The following MGAT4C variants were observed in gnomAD, a reference collection of about 807,000 sequenced individuals.
MGAT4C encodes the protein MGAT4 family member C, also known as alpha-1,3-mannosyl-glycoprotein 4-beta-N-acetylglucosaminyltransferase C.
Under a neutral mutation model 40.1 loss-of-function variants are expected in MGAT4C, and 19 were observed. The observed-to-expected ratio is 0.47, with a 90% CI of 0.33 to 0.70. The LOEUF is 0.70. Among genes scored for constraint, MGAT4C ranks in the 30% least tolerant of loss-of-function variants. The probability of loss-of-function intolerance (pLI) is 0.02; values close to 1 mark genes in which losing one functional copy is unlikely to be tolerated. For missense variants in MGAT4C, 491 were observed against 563.2 expected (o/e 0.87, Z 1.30); for synonymous variants, 181 against 187.1 (o/e 0.97, Z 0.27).
At chr12:86,724,780 C>T (rs994693630) in intron 2 of MGAT4C, among the ~76,000 whole-genome samples, 3 of 152,210 alleles carry the variant, frequency 2.0e-5, no homozygotes, top group Non-Finnish European at 2.9e-5. Context: ...TCCTATCCAA[C>T]TCTAACTTTT....
At chr12:86,602,130 C>T (rs1015219510) in intron 2 of MGAT4C, among the ~76,000 whole-genome samples, 1 of 152,092 alleles carries the variant, frequency 6.6e-6, no homozygotes, top group Non-Finnish European at 1.5e-5. Context: ...TGGCCAGACC[C>T]GTGTTCATTT....
intron 1 of MGAT4C, among the ~76,000 whole-genome samples, chr12:86,077,852 T>A (rs1208847663): frequency 1.3e-5 from 2 of 152,204 alleles, no homozygotes; most frequent in Non-Finnish European, 2.9e-5. Flanking sequence ...TTCTTCCTGA[T>A]AGCAGAGGTC....
At chr12:86,056,125 C>T (rs146629484) in intron 1 of MGAT4C, among the ~76,000 whole-genome samples, 1 of 152,276 alleles carries the variant, frequency 6.6e-6, no homozygotes, top group East Asian at 1.9e-4. Flanking sequence ...AAAGCCTTTA[C>T]TTTGCCATTA....
intron 1 of MGAT4C, among the ~76,000 whole-genome samples, chr12:86,740,667 G>T (rs1951055963): frequency 6.6e-6 from 1 of 151,052 alleles, no homozygotes; most frequent in African/African-American, 2.4e-5. Flanking sequence ...GAATTCACAG[G>T]ATTTCAGAAA....
intron 2 of MGAT4C, among the ~76,000 whole-genome samples, chr12:86,513,710 C>G (rs1031294589): frequency 7.9e-5 from 12 of 152,104 alleles, no homozygotes; most frequent in African/African-American, 2.9e-4. Context: ...AATGACAACA[C>G]TAGCAAAAAT....
intron 4 of MGAT4C, among the ~76,000 whole-genome samples, chr12:86,307,983 G>A (rs1022854684): frequency 1.3e-5 from 2 of 150,596 alleles, no homozygotes; most frequent in Non-Finnish European, 2.9e-5. Context: ...GATTACAGGC[G>A]TGAGCCACCG....
At chr12:86,517,165 A>T in intron 2 of MGAT4C, among the ~76,000 whole-genome samples, 1 of 152,168 alleles carries the variant, frequency 6.6e-6, no homozygotes, top group East Asian at 1.9e-4. Context: ...GTTACCATAT[A>T]ATGTTTTTGA....
At chr12:86,220,584 C>G (rs903925904) in intron 1 of MGAT4C, among the ~76,000 whole-genome samples, 2 of 152,140 alleles carry the variant, frequency 1.3e-5, no homozygotes, top group Admixed American at 1.3e-4. Flanking sequence ...CTAGTGCTTC[C>G]CTACTGTGAT....
chr12:86,758,717 T>C (rs1176359041), intron 1 of MGAT4C, among the ~76,000 whole-genome samples: 20 of 152,060 alleles, frequency 1.3e-4, no homozygotes, highest in Admixed American at 1.3e-3. Context: ...AATTTATATA[T>C]GGTGGTTATT....
At position 86,430,911 on chromosome 12, in the gene MGAT4C, C is replaced by T. The variant is rs73387820; in HGVS notation, c.-120+4246G>A. Among the ~76,000 whole-genome samples the T allele has an allele frequency of 3.2e-3, 491 of 152,306 alleles. 2 individuals carry two copies. The highest frequency in any genetic ancestry group is 0.011 in the African/African-American group (478 of 41,568). ...AGGTTAAGTAGGTTTAGCCCATTTGCTTCTTTAAAATTCACAGAAGTGGGA... is the reference window on the plus strand; with the variant it reads ...AGGTTAAGTAGGTTTAGCCCATTTGTTTCTTTAAAATTCACAGAAGTGGGA... On this transcript the variant is annotated intron_variant, in intron 3 of 7. Coordinates refer to the MGAT4C transcript ENST00000548651.
rs113520600 is a variant in MGAT4C, at chr12:86,140,509, G to A, written c.-56-90786C>T. On this transcript the variant is annotated intron_variant, in intron 1 of 4. Transcript: ENST00000611864. ...AACATCACACACCGGGGCCTGTCGG[G>A]GGGTGGGAGGTTAGAGGAGGGATAG... 2.3e-3 allele frequency among the ~76,000 whole-genome samples: 348 copies of A among 152,190 alleles called. 2 individuals carry two copies. The highest frequency in any genetic ancestry group is 7.8e-3 in the African/African-American group (326 of 41,532).
chr12:86,738,812 C>T (rs1951022006), intron 1 of MGAT4C, among the ~76,000 whole-genome samples: 1 of 151,012 alleles, frequency 6.6e-6, no homozygotes, highest in Non-Finnish European at 1.5e-5. Flanking sequence ...AATTTCCAAC[C>T]TTGCCACAAA....
At chr12:86,439,902 A>T (rs1407886760) in intron 2 of MGAT4C, among the ~76,000 whole-genome samples, 1 of 152,138 alleles carries the variant, frequency 6.6e-6, no homozygotes. Flanking sequence ...CTGAAAACAT[A>T]CAACCCTCTT....
At chr12:86,449,570 A>C (rs1191158933) in intron 2 of MGAT4C, among the ~76,000 whole-genome samples, 1 of 152,142 alleles carries the variant, frequency 6.6e-6, no homozygotes, top group African/African-American at 2.4e-5. Context: ...GGGCCCTACC[A>C]ATTATCACTG....
chr12:86,166,434 G>A (rs1426721047), intron 1 of MGAT4C, among the ~76,000 whole-genome samples: 4 of 152,238 alleles, frequency 2.6e-5, no homozygotes, highest in Non-Finnish European at 5.9e-5. Context: ...CAGCTTGGGA[G>A]GCCAAGGCGG....
At chr12:86,385,122 G>A (rs1956026469) in intron 3 of MGAT4C, among the ~76,000 whole-genome samples, 1 of 152,274 alleles carries the variant, frequency 6.6e-6, no homozygotes, top group South Asian at 2.1e-4. Flanking sequence ...CAGCATGACA[G>A]TATTCCTCAC....
chr12:86,825,310 A>G (rs897195928), intron 1 of MGAT4C, among the ~76,000 whole-genome samples: 1 of 151,410 alleles, frequency 6.6e-6, no homozygotes, highest in Non-Finnish European at 1.5e-5. Context: ...TAATTTTAAA[A>G]AAGAAAACTT....
intron 2 of MGAT4C, among the ~76,000 whole-genome samples, chr12:86,548,109 C>T (rs1445849693): frequency 6.6e-6 from 1 of 152,072 alleles, no homozygotes; most frequent in Non-Finnish European, 1.5e-5. Context: ...TTGTCTGTCT[C>T]CCACATTAGA....
intron 3 of MGAT4C, among the ~76,000 whole-genome samples, chr12:86,423,923 G>A (rs1355163148): frequency 2.0e-5 from 3 of 152,180 alleles, no homozygotes; most frequent in African/African-American, 7.2e-5. Flanking sequence ...CAAAGGGGTA[G>A]GACATAGGGA....
Sources: allele counts gnomAD v4.1 joint callset (sites outside exome capture counted in the v4.1 genomes callset), GRCh38; gene constraint gnomAD v4.1.1; transcripts MANE v1.5; gene names NCBI Gene and HGNC (gene_info 2026-07-23, HGNC 2026-07-21).